KIAA0825: variants seen among roughly 807,000 people sequenced by gnomAD.
KIAA0825 encodes the protein KIAA0825.
Under a neutral mutation model 147.6 loss-of-function variants are expected in KIAA0825, and 119 were observed. The observed-to-expected ratio is 0.81, with a 90% confidence interval of 0.69 to 0.94. The LOEUF (loss-of-function observed/expected upper bound fraction) is 0.94, where lower values mean the gene tolerates loss of function less well. KIAA0825 is among the 40% of genes least tolerant of loss of function. KIAA0825 has a pLI of 0.00. For missense variants in KIAA0825, 1,381 were observed against 1,472.7 expected, an observed-to-expected ratio of 0.94 and a Z score of 1.02; for synonymous variants, 470 against 518.1, an observed-to-expected ratio of 0.91 and a Z score of 1.26.
chr5:94,524,684 G>A (rs1367883737), intron 3 of KIAA0825, among the ~76,000 whole-genome samples: 1 of 151,656 alleles, frequency 6.6e-6, no homozygotes, highest in Non-Finnish European at 1.5e-5. Context: ...AAAACGACTG[G>A]AAGGAAATGA....
chr5:94,536,879 A>T (rs1772133995), intron 3 of KIAA0825, 117 bp downstream of exon 3: 1 of 651,282 alleles, frequency 1.5e-6, no homozygotes, highest in East Asian at 3.0e-5. Context: ...ATTTTGGGGG[A>T]AAGTTAATGA....
chr5:94,613,317 T>C (rs1419462702), intron 1 of KIAA0825, among the ~76,000 whole-genome samples: 1 of 152,040 alleles, frequency 6.6e-6, no homozygotes, highest in Non-Finnish European at 1.5e-5. Context: ...TGCCTTAGAC[T>C]CCAGGAGTAG....
chr5:94,496,637 G>A (rs1366180866), intron 5 of KIAA0825, among the ~76,000 whole-genome samples: 7 of 152,158 alleles, frequency 4.6e-5, no homozygotes, highest in Non-Finnish European at 1.0e-4. Flanking sequence ...TCTGAGCTAG[G>A]TGGAATGTCT....
chr5:94,439,124 A>T (rs1756748587), intron 14 of KIAA0825, among the ~76,000 whole-genome samples: 1 of 152,160 alleles, frequency 6.6e-6, no homozygotes, highest in South Asian at 2.1e-4. Context: ...AGTTGCAAAG[A>T]AATAGTGGGG....
chr5:94,166,690 TAG>T (rs961890850), intron 20 of KIAA0825, among the ~76,000 whole-genome samples: 1 of 151,840 alleles, frequency 6.6e-6, no homozygotes, highest in African/African-American at 2.4e-5. Context: ...GTATTTTTAG[TAG>T]AGACGGGGTT....
In KIAA0825 at chr5:94,279,365, G is replaced by T. The variant is rs1777360911; in HGVS notation, c.3710+105003C>A. ...ATTTTGCTCCTTTACTACAGATCCG[G>T]TGCTAGACAATCTATTGAAACCCAG... On this transcript the variant is annotated intron_variant, in intron 20 of 20. Transcript: ENST00000682413. 3.3e-5 allele frequency among the ~76,000 whole-genome samples: 5 copies of T among 151,984 alleles called. No individual in the cohort carries two copies. In the South Asian group the frequency reaches 1.0e-3, roughly 32 times the overall value.
intron 5 of KIAA0825, among the ~76,000 whole-genome samples, chr5:94,489,582 A>C (rs1416790306): frequency 6.6e-6 from 1 of 151,862 alleles, no homozygotes; most frequent in Non-Finnish European, 1.5e-5. Flanking sequence ...AAAAAAAAAA[A>C]AAAAACAAAC....
At chr5:94,255,195 T>C (rs1423219436) in intron 20 of KIAA0825, among the ~76,000 whole-genome samples, 3 of 151,472 alleles carry the variant, frequency 2.0e-5, no homozygotes, top group Non-Finnish European at 4.4e-5. Flanking sequence ...TATATGACTG[T>C]GGACCCTACG....
intron 19 of KIAA0825, 141 bp downstream of exon 19, chr5:94,386,101 T>C (rs1470458974): frequency 1.5e-6 from 1 of 669,142 alleles, no homozygotes; most frequent in Non-Finnish European, 2.5e-6. Context: ...AGTCAATTTG[T>C]ACAGACCATG....
chr5:94,424,042 T>G (rs1754531115), intron 14 of KIAA0825, among the ~76,000 whole-genome samples: 1 of 152,178 alleles, frequency 6.6e-6, no homozygotes, highest in African/African-American at 2.4e-5. Context: ...AATATAACTT[T>G]TTTTACACAG....
intron 20 of KIAA0825, among the ~76,000 whole-genome samples, chr5:94,367,639 T>G (rs1281169122): frequency 6.6e-6 from 1 of 152,226 alleles, no homozygotes; most frequent in Non-Finnish European, 1.5e-5. Flanking sequence ...AAGGATGCCT[T>G]GACATTGGGA....
intron 1 of KIAA0825, among the ~76,000 whole-genome samples, chr5:94,588,529 C>T (rs577962678): frequency 3.3e-5 from 5 of 152,160 alleles, no homozygotes; most frequent in East Asian, 3.9e-4. Context: ...ATTAAAAAGT[C>T]GGGAAACAAC....
intron 7 of KIAA0825, 85 bp downstream of exon 7, chr5:94,477,026 C>G (rs1346975119): frequency 2.0e-6 from 2 of 997,680 alleles, no homozygotes. Flanking sequence ...GGGTAAAACT[C>G]AAGACATCTT....
intron 1 of KIAA0825, among the ~76,000 whole-genome samples, chr5:94,613,294 C>T (rs1159813140): frequency 6.6e-6 from 1 of 152,048 alleles, no homozygotes. Context: ...ACCCGGGGTT[C>T]AAGTGATTCT....
intron 14 of KIAA0825, among the ~76,000 whole-genome samples, chr5:94,426,813 C>G (rs1281510395): frequency 1.3e-5 from 2 of 152,178 alleles, no homozygotes; most frequent in Non-Finnish European, 2.9e-5. Context: ...AACAAATACT[C>G]ACATGTACCC....
intron 20 of KIAA0825, among the ~76,000 whole-genome samples, chr5:94,257,616 A>T (rs1583976123): frequency 1.3e-5 from 2 of 152,144 alleles, no homozygotes; most frequent in Non-Finnish European, 2.9e-5. Flanking sequence ...AGATGATTTT[A>T]AAAATTATAG....
At chr5:94,343,605 C>T (rs929959952) in intron 20 of KIAA0825, among the ~76,000 whole-genome samples, 4 of 152,266 alleles carry the variant, frequency 2.6e-5, no homozygotes, top group African/African-American at 7.2e-5. Context: ...AGGAGAATGG[C>T]GTGAACCCGG....
At chr5:94,351,002 T>C (rs1159920430) in intron 20 of KIAA0825, among the ~76,000 whole-genome samples, 2 of 151,596 alleles carry the variant, frequency 1.3e-5, no homozygotes, top group Non-Finnish European at 2.9e-5. Context: ...TTCTCCTGCC[T>C]CAGCCTCCTG....
intron 11 of KIAA0825, among the ~76,000 whole-genome samples, chr5:94,464,006 T>G (rs1760157528): frequency 7.2e-6 from 1 of 139,822 alleles, no homozygotes; most frequent in East Asian, 2.1e-4. Flanking sequence ...AGGACCTAAA[T>G]GCCCTTCAAA....
Sources: gnomAD v4.1 joint callset for allele counts (sites outside exome capture counted in the v4.1 genomes callset) on GRCh38, gnomAD v4.1.1 for gene constraint, MANE v1.5 for transcripts, NCBI Gene and HGNC (gene_info 2026-07-23, HGNC 2026-07-21) for gene names.